ZFAND6: variants seen among roughly 807,000 people sequenced by gnomAD.
ZFAND6 encodes zinc finger AN1-type containing 6, also known as AN1-type zinc finger protein 6.
In ZFAND6, 12 loss-of-function variants were observed where a neutral mutation model predicts 24.5. The observed-to-expected ratio is 0.49, with a 90% CI of 0.31 to 0.79. The LOEUF is 0.79. ZFAND6 is among the 30% of genes least tolerant of loss of function. The pLI, the probability that ZFAND6 is intolerant of heterozygous loss-of-function variation, is 0.04. For synonymous variants in ZFAND6, 92 were observed against 81.5 expected (o/e 1.13, Z -0.69); for missense variants, 207 against 245.9 (o/e 0.84, Z 1.06).
chr15:80,075,763 T>TTTGACTAAATTTGG (rs1413317337), intron 1 of ZFAND6, among the ~76,000 whole-genome samples: 1 of 152,092 alleles, frequency 6.6e-6, no homozygotes, highest in Non-Finnish European at 1.5e-5. Flanking sequence ...TATGAACTTG[T>TTTGACTAAATTTGG]TTGACTAAAT....
At chr15:80,083,750 G>A (rs1300474978) in intron 1 of ZFAND6, among the ~76,000 whole-genome samples, 1 of 152,150 alleles carries the variant, frequency 6.6e-6, no homozygotes, top group Non-Finnish European at 1.5e-5. Context: ...AATCAGCTGG[G>A]CATGGTGGTG....
intron 5 of ZFAND6, among the ~76,000 whole-genome samples, chr15:80,124,007 G>C (rs74754572): frequency 0.011 from 1,619 of 151,622 alleles, 27 homozygotes; most frequent in African/African-American, 0.033. Flanking sequence ...AGAATATTCT[G>C]TGTGGTCAAC....
chr15:80,092,988 T>C (rs1047044440), intron 1 of ZFAND6, among the ~76,000 whole-genome samples: 1 of 151,194 alleles, frequency 6.6e-6, no homozygotes, highest in Non-Finnish European at 1.5e-5. Context: ...AGAGTGTCGC[T>C]CTCTCACCCA....
intron 5 of ZFAND6, 185 bp from the exon 6 acceptor site, chr15:80,130,995 G>A: frequency 2.3e-6 from 1 of 436,366 alleles, no homozygotes; most frequent in South Asian, 8.5e-5. Flanking sequence ...TTTTCTACAT[G>A]CATATATACA....
chr15:80,065,445 C>T (rs1596172778), intron 1 of ZFAND6, among the ~76,000 whole-genome samples: 1 of 151,422 alleles, frequency 6.6e-6, no homozygotes, highest in East Asian at 1.9e-4. Context: ...TTGTTTAAGT[C>T]TCCCCCCCAT....
chr15:80,092,326 G>GAAAAAAAAAAAAAAAAAAAAAAAAAAAAA, intron 1 of ZFAND6, among the ~76,000 whole-genome samples: 1 of 103,610 alleles, frequency 9.7e-6, no homozygotes, highest in Non-Finnish European at 2.0e-5. Context: ...ATCTCTACAG[G>GAAAAAAAAAAAAAAAAAAAAAAAAAAAAA]AAAAAAAAAA....
chr15:80,065,120 TCTC>T (rs1471258659), intron 1 of ZFAND6, among the ~76,000 whole-genome samples: 1 of 151,970 alleles, frequency 6.6e-6, no homozygotes, highest in African/African-American at 2.4e-5. Flanking sequence ...TTTAAAGGCT[TCTC>T]CTACCCAGTT....
Position 80,118,245 on chromosome 15 carries a change from C to A in ZFAND6, c.-17-2083C>A, listed in dbSNP as rs2039982919. 2.0e-5 allele frequency among the ~76,000 whole-genome samples: 3 copies of A among 152,146 alleles called. No individual in the cohort carries two copies. In the South Asian group the frequency reaches 6.2e-4, roughly 32 times the overall value. On this transcript the variant is annotated intron_variant, in intron 2 of 6. Transcript: ENST00000261749. ...TCAAGCGATCCTCCTGCCTCAGCCT[C>A]CCAAGTAGCTGGGACTACAGGCACA...
chr15:80,136,985 A>C (rs2040893949), intron 6 of ZFAND6, among the ~76,000 whole-genome samples: 1 of 152,218 alleles, frequency 6.6e-6, no homozygotes, highest in Non-Finnish European at 1.5e-5. Flanking sequence ...GGCAGGCTCT[A>C]GATCCCGTGC....
At chr15:80,065,536 G>GTTTTTTTTTTTT (rs1341209807) in intron 1 of ZFAND6, among the ~76,000 whole-genome samples, 1 of 84,982 alleles carries the variant, frequency 1.2e-5, no homozygotes, top group Admixed American at 1.4e-4. Flanking sequence ...TTTTGGTTTT[G>GTTTTTTTTTTTT]ATTTTTTTTT....
At chr15:80,071,050 C>G (rs577942925) in intron 1 of ZFAND6, among the ~76,000 whole-genome samples, 1 of 152,154 alleles carries the variant, frequency 6.6e-6, no homozygotes, top group South Asian at 2.1e-4. Flanking sequence ...TTGGCTCTTT[C>G]AATTTGTCCA....
Position 80,121,745 on chromosome 15 carries a change from C to T in ZFAND6, c.188C>T (p.Pro63Leu). ...GTCAGTAGTCTGTCTGAATCTTTACCAGTTCAATGCACAGATGGCAGTGTG... is the reference window on the plus strand; with the variant it reads ...GTCAGTAGTCTGTCTGAATCTTTACTAGTTCAATGCACAGATGGCAGTGTG... ...TSVSSLSESL[P>L]VQCTDGSVPE... Residue 63 changes from proline to leucine, a missense_variant, in exon 4 of 7, where the codon CCA (proline) becomes CTA (leucine). Coordinates refer to ENST00000261749, the MANE Select transcript of ZFAND6 (RefSeq NM_019006.4). 6.2e-7 allele frequency: 1 copy of T among 1,613,768 alleles called. No individual in the cohort carries two copies. The highest frequency in any genetic ancestry group is 8.5e-7 in the Non-Finnish European group (1 of 1,179,838).
At chr15:80,136,339 C>T (rs2040861709) in intron 6 of ZFAND6, among the ~76,000 whole-genome samples, 1 of 151,928 alleles carries the variant, frequency 6.6e-6, no homozygotes, top group Non-Finnish European at 1.5e-5. Context: ...GTGGCGTGCA[C>T]CTGTAATCCC....
chr15:80,119,880 T>C (rs2040070506), intron 2 of ZFAND6, among the ~76,000 whole-genome samples: 1 of 152,200 alleles, frequency 6.6e-6, no homozygotes, highest in African/African-American at 2.4e-5. Flanking sequence ...GTGAAATGCT[T>C]TTGAAACAGA....
intron 1 of ZFAND6, among the ~76,000 whole-genome samples, chr15:80,069,415 A>G (rs541260486): frequency 3.3e-5 from 5 of 152,152 alleles, no homozygotes; most frequent in South Asian, 2.1e-4. Flanking sequence ...ACCTTATCCT[A>G]TCGGCTTGGT....
intron 2 of ZFAND6, chr15:80,111,397 G>T: frequency 2.4e-6 from 1 of 408,668 alleles, no homozygotes; most frequent in Admixed American, 2.8e-5. Context: ...CAATCATTTG[G>T]GTATGAAAAG....
At chr15:80,072,508 A>G (rs932833417) in intron 1 of ZFAND6, 4 of 152,096 alleles carry the variant, frequency 2.6e-5, no homozygotes, top group African/African-American at 9.6e-5. Context: ...CAGTTTCACT[A>G]ACAGGGAGGA....
At chr15:80,079,498 G>A (rs879810914) in intron 1 of ZFAND6, among the ~76,000 whole-genome samples, 1 of 151,726 alleles carries the variant, frequency 6.6e-6, no homozygotes, top group Non-Finnish European at 1.5e-5. Context: ...GGGATTACAG[G>A]CGTGAGCCAC....
chr15:80,085,503 A>G (rs2037937466), intron 1 of ZFAND6, among the ~76,000 whole-genome samples: 1 of 152,250 alleles, frequency 6.6e-6, no homozygotes, highest in Admixed American at 6.5e-5. Flanking sequence ...TGCTTAAAAC[A>G]GTTCCACTTC....
Sources: gnomAD v4.1 joint callset for allele counts (sites outside exome capture counted in the v4.1 genomes callset) on GRCh38, gnomAD v4.1.1 for gene constraint, MANE v1.5 for transcripts, NCBI Gene and HGNC (gene_info 2026-07-23, HGNC 2026-07-21) for gene names.